Variants in DSCAM observed in about 807,000 individuals in gnomAD.
DSCAM encodes the protein DS cell adhesion molecule.
A neutral mutation model predicts 217.7 loss-of-function variants in DSCAM; 47 were observed. That is an observed-to-expected ratio of 0.22 (90% CI 0.17 to 0.28). The LOEUF (loss-of-function observed/expected upper bound fraction) is 0.28. Among genes scored for constraint, DSCAM ranks in the 10% least tolerant of loss-of-function variants. The probability of loss-of-function intolerance (pLI) is 1.00; values close to 1 mark genes in which losing one functional copy is unlikely to be tolerated. For synonymous variants in DSCAM, 1,056 were observed against 1,015.3 expected (o/e 1.04, Z -0.76); for missense variants, 2,080 against 2,618.3 (o/e 0.79, Z 4.49).
At chr21:40,805,769 C>T (rs2091781073) in intron 1 of DSCAM, among the ~76,000 whole-genome samples, 1 of 151,832 alleles carries the variant, frequency 6.6e-6, no homozygotes, top group Non-Finnish European at 1.5e-5. Flanking sequence ...AGTGCAGTGG[C>T]CCCATCTCGG....
At chr21:40,775,256 A>C (rs1458857617) in intron 1 of DSCAM, among the ~76,000 whole-genome samples, 1 of 152,184 alleles carries the variant, frequency 6.6e-6, no homozygotes, top group Non-Finnish European at 1.5e-5. Flanking sequence ...GCATGGTTTA[A>C]GGCGAGGAAT....
intron 3 of DSCAM, among the ~76,000 whole-genome samples, chr21:40,406,659 C>G (rs375817527): frequency 6.6e-6 from 1 of 152,142 alleles, no homozygotes; most frequent in Admixed American, 6.5e-5. Flanking sequence ...GGCACAATCT[C>G]GGCTCACTGC....
chr21:40,569,724 T>C (rs186385817), intron 3 of DSCAM, among the ~76,000 whole-genome samples: 32 of 152,346 alleles, frequency 2.1e-4, no homozygotes, highest in Admixed American at 2.1e-3. Context: ...ACCAGAGCTG[T>C]ATCAGACCTT....
chr21:40,248,372 A>G (rs2073256133), intron 11 of DSCAM, among the ~76,000 whole-genome samples: 1 of 152,130 alleles, frequency 6.6e-6, no homozygotes, highest in Admixed American at 6.5e-5. Context: ...CTTTAACAGC[A>G]CCCAAGTCAT....
At chr21:40,615,437 A>G (rs2089379968) in intron 3 of DSCAM, 1 of 138,940 alleles carries the variant, frequency 7.2e-6, no homozygotes, top group African/African-American at 2.7e-5. Flanking sequence ...ATCTGAAAAG[A>G]AAAAAAGAGC....
chr21:40,723,592 C>T (rs1449893160), intron 1 of DSCAM, among the ~76,000 whole-genome samples: 1 of 152,094 alleles, frequency 6.6e-6, no homozygotes, highest in Admixed American at 6.5e-5. Flanking sequence ...CTGGCTAATA[C>T]ATAATAGAAG....
At chr21:40,780,480 T>C (rs531685221) in intron 1 of DSCAM, among the ~76,000 whole-genome samples, 20 of 145,290 alleles carry the variant, frequency 1.4e-4, no homozygotes, top group African/African-American at 5.0e-4. Context: ...ACTAAAAATA[T>C]TATAAGAAAC....
rs1290930838 is a variant in DSCAM, at chr21:40,325,204, G to A, written c.1784-12845C>T. Among the ~76,000 whole-genome samples, 3 of 152,192 alleles carry A rather than the reference G, an allele frequency of 2.0e-5. No individual in the cohort carries two copies. The East Asian group carries it at 5.8e-4, about 29-fold the overall frequency. On this transcript the variant is annotated intron_variant, in intron 8 of 32. Coordinates refer to ENST00000400454, the MANE Select transcript of DSCAM (RefSeq NM_001389.5). ...TTACAGTGAGACAAGGGTATAAAAAGGTAGTCAATATATTTCACAGAACTA... is the reference window on the plus strand; with the variant it reads ...TTACAGTGAGACAAGGGTATAAAAAAGTAGTCAATATATTTCACAGAACTA...
chr21:40,030,938 A>C lies in DSCAM; in HGVS notation c.5686+11433T>G, dbSNP rs372506777. Among the ~76,000 whole-genome samples, 306 of 152,088 alleles carry C rather than the reference A, an allele frequency of 2.0e-3. 3 individuals are homozygous for C. The highest frequency in any genetic ancestry group is 6.9e-3 in the African/African-American group (287 of 41,476). On this transcript the variant is annotated intron_variant, in intron 32 of 32. Coordinates refer to ENST00000400454, the MANE Select transcript of DSCAM (RefSeq NM_001389.5). ...GGTCTTCTGCAGCCACTACCCTGCA[A>C]CCATCCTCCTGCCACTGTGTTCAAG...
chr21:40,845,999 GTT>G (rs71332311), intron 1 of DSCAM, among the ~76,000 whole-genome samples: 14,776 of 141,644 alleles, frequency 0.1, 932 homozygotes, highest in Admixed American at 0.13. Context: ...CTATACAGGT[GTT>G]TTTTTTTTTT....
At chr21:40,275,950 A>T in intron 11 of DSCAM, 147 bp downstream of exon 11, 1 of 777,212 alleles carries the variant, frequency 1.3e-6, no homozygotes, top group African/African-American at 1.8e-5. Flanking sequence ...TTCCAGAACA[A>T]CAAAACTTTA....
chr21:40,394,647 A>G (rs182045455), intron 3 of DSCAM, among the ~76,000 whole-genome samples: 1 of 152,328 alleles, frequency 6.6e-6, no homozygotes, highest in Non-Finnish European at 1.5e-5. Context: ...GCACAGAAGT[A>G]TTTACAGAAG....
At chr21:40,593,365 G>A (rs896467519) in intron 3 of DSCAM, among the ~76,000 whole-genome samples, 8 of 149,388 alleles carry the variant, frequency 5.4e-5, no homozygotes, top group South Asian at 2.1e-4. Flanking sequence ...TTGCTCTGTC[G>A]CACAGGCTGG....
At chr21:40,803,348 C>G (rs982207199) in intron 1 of DSCAM, among the ~76,000 whole-genome samples, 1 of 152,208 alleles carries the variant, frequency 6.6e-6, no homozygotes, top group Non-Finnish European at 1.5e-5. Flanking sequence ...GTCACGTGAG[C>G]ACACATATGC....
chr21:40,325,251 T>C (rs1242425567), intron 8 of DSCAM, among the ~76,000 whole-genome samples: 1 of 152,256 alleles, frequency 6.6e-6, no homozygotes, highest in East Asian at 1.9e-4. Flanking sequence ...GACAGCACCA[T>C]CATGGTATCT....
rs749398798 is a variant in DSCAM, at chr21:40,780,411, G to GTATATATATATATATA, written c.43+66207_43+66208insTATATATATATATATA. 3.8e-3 allele frequency among the ~76,000 whole-genome samples: 336 copies of GTATATATATATATATA among 87,962 alleles called. 5 individuals carry two copies. Among genetic ancestry groups the GTATATATATATATATA allele is most frequent in the Non-Finnish European group, 6.4e-3 (254 of 39,894 alleles). 57.7% of individuals were successfully genotyped at this position (87,962 alleles called of 152,430 possible). A position where few individuals can be genotyped will look rare whatever the true frequency, so the allele number is the denominator to read the frequency against. ...TCCAAATATAAACGTGTGTGTGTGT[G>GTATATATATATATATA]TGTGTGTGTGTGTATATATATATAT... On this transcript the variant is annotated intron_variant, in intron 1 of 32. Coordinates refer to ENST00000400454, the MANE Select transcript of DSCAM (RefSeq NM_001389.5).
intron 11 of DSCAM, among the ~76,000 whole-genome samples, chr21:40,232,729 TATC>T (rs1250084678): frequency 2.0e-5 from 3 of 152,162 alleles, no homozygotes; most frequent in Non-Finnish European, 4.4e-5. Flanking sequence ...TATTAGTATT[TATC>T]ATATTTGTAA....
At chr21:40,832,856 C>T (rs1024085771) in intron 1 of DSCAM, among the ~76,000 whole-genome samples, 3 of 152,190 alleles carry the variant, frequency 2.0e-5, no homozygotes, top group African/African-American at 7.2e-5. Flanking sequence ...TTTCTACTCA[C>T]ATTCTTTCCT....
intron 3 of DSCAM, among the ~76,000 whole-genome samples, chr21:40,442,550 C>T (rs1479429060): frequency 1.6e-5 from 2 of 123,622 alleles, no homozygotes; most frequent in South Asian, 2.7e-4. Context: ...GATTGGGTCT[C>T]GCTCTGTCAC....
Sources: gnomAD v4.1 joint callset for allele counts (sites outside exome capture counted in the v4.1 genomes callset) on GRCh38, gnomAD v4.1.1 for gene constraint, MANE v1.5 for transcripts, NCBI Gene and HGNC (gene_info 2026-07-23, HGNC 2026-07-21) for gene names.